RIMS2: variants seen among roughly 807,000 people sequenced by gnomAD.
RIMS2 encodes the protein regulating synaptic membrane exocytosis protein 2.
A neutral mutation model predicts 174.4 loss-of-function variants in RIMS2; 59 were observed. The ratio of observed to expected loss-of-function variants is 0.34; its 90% CI spans 0.27 to 0.42. The LOEUF (loss-of-function observed/expected upper bound fraction) is 0.42. RIMS2 is among the 10% of genes least tolerant of loss of function. The pLI is 1.00. For missense variants in RIMS2, 1,620 were observed against 1,666.3 expected, an observed-to-expected ratio of 0.97 and a Z score of 0.48; for synonymous variants, 606 against 572.5, an observed-to-expected ratio of 1.06 and a Z score of -0.84.
chr8:104,197,505 G>A (rs1056881223), intron 19 of RIMS2, among the ~76,000 whole-genome samples: 7 of 152,120 alleles, frequency 4.6e-5, no homozygotes, highest in Non-Finnish European at 2.9e-5. Flanking sequence ...GGTAAATTCA[G>A]GTAGAATAAG....
At chr8:104,174,482 A>G (rs1258206775) in intron 19 of RIMS2, among the ~76,000 whole-genome samples, 1 of 152,174 alleles carries the variant, frequency 6.6e-6, no homozygotes, top group African/African-American at 2.4e-5. Flanking sequence ...TGGCATATTC[A>G]TTTAGAAGAA....
intron 1 of RIMS2, among the ~76,000 whole-genome samples, chr8:103,560,392 A>T (rs2091396810): frequency 6.6e-6 from 1 of 152,180 alleles, no homozygotes; most frequent in Admixed American, 6.6e-5. Flanking sequence ...AAGAAAAAAA[A>T]GAAAAATAGC....
chr8:103,855,241 T>G (rs2099021438), intron 3 of RIMS2, among the ~76,000 whole-genome samples: 1 of 152,062 alleles, frequency 6.6e-6, no homozygotes, highest in African/African-American at 2.4e-5. Context: ...TATTTGGATC[T>G]TCTTTTTTTC....
chr8:103,839,100 C>T (rs1477279620), intron 3 of RIMS2, among the ~76,000 whole-genome samples: 1 of 152,142 alleles, frequency 6.6e-6, no homozygotes, highest in African/African-American at 2.4e-5. Context: ...GAAATTCCCC[C>T]ATCAGTTTTC....
At chr8:103,911,306 GAGAA>G (rs1462779446) in intron 5 of RIMS2, among the ~76,000 whole-genome samples, 3 of 152,026 alleles carry the variant, frequency 2.0e-5, no homozygotes, top group Admixed American at 2.0e-4. Flanking sequence ...GTTCAGCCCT[GAGAA>G]AGAAAGAATA....
intron 19 of RIMS2, chr8:104,223,877 T>G (rs1439129434): frequency 1.8e-6 from 2 of 1,137,928 alleles, no homozygotes; most frequent in South Asian, 1.3e-5. Flanking sequence ...CAGAGAGAAC[T>G]CCACGTAGCA....
intron 2 of RIMS2, among the ~76,000 whole-genome samples, chr8:103,748,362 T>C (rs2097846564): frequency 6.6e-6 from 1 of 151,988 alleles, no homozygotes; most frequent in Admixed American, 6.6e-5. Context: ...GGAGGATCGC[T>C]TGAACCTAGG....
chr8:103,729,305 G>A (rs376672919), intron 2 of RIMS2, among the ~76,000 whole-genome samples: 51 of 152,154 alleles, frequency 3.4e-4, no homozygotes, highest in African/African-American at 1.2e-3. Context: ...AATCTTGGTA[G>A]GTTGTATGTG....
At chr8:103,709,557 T>C (rs1410968384) in intron 2 of RIMS2, among the ~76,000 whole-genome samples, 1 of 152,180 alleles carries the variant, frequency 6.6e-6, no homozygotes, top group African/African-American at 2.4e-5. Flanking sequence ...TTAGCACTAA[T>C]TATTCTCCTC....
intron 4 of RIMS2, among the ~76,000 whole-genome samples, chr8:103,894,528 A>G (rs2099266235): frequency 6.6e-6 from 1 of 151,676 alleles, no homozygotes; most frequent in Admixed American, 6.6e-5. Flanking sequence ...TAATTAGATT[A>G]TATGTTTATC....
In RIMS2 at chr8:103,888,404, A is replaced by G. The variant is rs147858866; in HGVS notation, c.1624+2181A>G. 2.6e-3 allele frequency among the ~76,000 whole-genome samples: 401 copies of G among 151,524 alleles called. 4 individuals carry two copies. Among genetic ancestry groups the G allele is most frequent in the Non-Finnish European group, 4.0e-3 (271 of 67,568 alleles). On this transcript the variant is annotated intron_variant, in intron 4 of 23. Coordinates refer to ENST00000504942, the Ensembl canonical transcript of RIMS2. The stretch of plus-strand genomic sequence containing the variant: ...AGTATATAGAGATTTTATTTTCCCT[A>G]AGCTGTAGTACTTCCTTAAGTATAT...
exon 4 of RIMS2, chr8:103,886,006 A>G (rs748801916): frequency 6.2e-7 from 1 of 1,613,106 alleles, no homozygotes; most frequent in Non-Finnish European, 8.5e-7. Flanking sequence ...TAAGAAAAAC[A>G]AAACGGGAAA....
At chr8:104,166,420 A>G (rs1040778215) in intron 19 of RIMS2, among the ~76,000 whole-genome samples, 5 of 152,132 alleles carry the variant, frequency 3.3e-5, no homozygotes, top group African/African-American at 9.7e-5. Flanking sequence ...AATAAGTCAT[A>G]TTTCAATGAA....
chr8:103,610,172 C>T (rs948006648), intron 1 of RIMS2, among the ~76,000 whole-genome samples: 1 of 151,956 alleles, frequency 6.6e-6, no homozygotes, highest in African/African-American at 2.4e-5. Context: ...GGTTTTTGTA[C>T]ATTGATTTTG....
intron 3 of RIMS2, among the ~76,000 whole-genome samples, chr8:103,786,273 A>G (rs2098442949): frequency 6.6e-6 from 1 of 151,706 alleles, no homozygotes; most frequent in South Asian, 2.1e-4. Context: ...TATTTCCTTC[A>G]GTTCTCCTCT....
chr8:103,822,462 ATTC>A (rs1182346413), intron 3 of RIMS2, among the ~76,000 whole-genome samples: 3 of 151,694 alleles, frequency 2.0e-5, no homozygotes, highest in African/African-American at 7.3e-5. Flanking sequence ...ATTAATATAG[ATTC>A]TTAAGTGAAT....
chr8:103,989,030 T>C (rs1423750448), intron 16 of RIMS2, among the ~76,000 whole-genome samples: 1 of 152,184 alleles, frequency 6.6e-6, no homozygotes, highest in Non-Finnish European at 1.5e-5. Flanking sequence ...CATATGATGG[T>C]TATATATAAG....
chr8:104,131,695 AAAT>A (rs141634092), intron 19 of RIMS2, among the ~76,000 whole-genome samples: 2,998 of 152,230 alleles, frequency 0.02, 134 homozygotes, highest in East Asian at 0.15. Context: ...GGAGGAGAGA[AAAT>A]TGAATCTTTC....
At chr8:104,061,949 T>G (rs1369274563) in intron 19 of RIMS2, among the ~76,000 whole-genome samples, 1 of 152,018 alleles carries the variant, frequency 6.6e-6, no homozygotes, top group African/African-American at 2.4e-5. Flanking sequence ...AATTTCAGGG[T>G]CAAAAATCAA....
Sources: gnomAD v4.1 joint callset for allele counts (sites outside exome capture counted in the v4.1 genomes callset) on GRCh38, gnomAD v4.1.1 for gene constraint, MANE v1.5 for transcripts, NCBI Gene and HGNC (gene_info 2026-07-23, HGNC 2026-07-21) for gene names.